Variants in VWA3B observed in about 807,000 individuals in gnomAD.
VWA3B encodes von Willebrand factor A domain-containing protein 3B.
VWA3B carries 138 observed loss-of-function variants against 158.3 expected under a neutral mutation model. The ratio of observed to expected loss-of-function variants is 0.87; its 90% CI spans 0.76 to 1.00. VWA3B has a LOEUF of 1.00. VWA3B is among the 50% of genes least tolerant of loss of function. The pLI, the probability that VWA3B is intolerant of heterozygous loss-of-function variation, is 0.00. For synonymous variants in VWA3B, 596 were observed against 587.3 expected (o/e 1.01, Z -0.21); for missense variants, 1,555 against 1,565.1 (o/e 0.99, Z 0.11).
chr2:98,270,609 T>C, intron 21 of VWA3B, 73 bp from the exon 22 acceptor site: 1 of 1,461,908 alleles, frequency 6.8e-7, no homozygotes, highest in Admixed American at 2.0e-5. Context: ...TCTTACCATA[T>C]TTTTTTATTA....
At position 98,093,241 on chromosome 2, in the gene VWA3B, T is replaced by C. The variant is rs374879840; in HGVS notation, c.149T>C (p.Leu50Ser). The C allele has an allele frequency of 1.2e-5, 20 of 1,614,110 alleles. No homozygotes were observed. In the East Asian group the frequency reaches 1.3e-4, roughly 11 times the overall value. ...LQLHGLKSNK[L>S]TLKQILSQIG... ...CTGCATGGGCTTAAGAGCAACAAAT[T>C]GACCTTGAAACAGATTTTGTCACAG... The change falls in exon 2 of 28, where the codon TTG becomes TCG. Residue 50 changes from leucine (L) to serine (S), a missense_variant. Leu to Ser is a moderately radical substitution (Grantham distance 145). Transcript: ENST00000477737.
chr2:98,280,223 G>C (rs1688790989), intron 22 of VWA3B, among the ~76,000 whole-genome samples: 2 of 152,072 alleles, frequency 1.3e-5, no homozygotes, highest in Non-Finnish European at 1.5e-5. Flanking sequence ...GAGCAATAAG[G>C]GAATATTTCC....
chr2:98,290,602 A>G lies in VWA3B; in HGVS notation c.3137A>G (p.Glu1046Gly). The stretch of plus-strand genomic sequence containing the variant: ...CAGAAGGTTATTGCAAGATGTGATG[A>G]AAATGGCTTTTATTTTCCAGGTAGT... The part of the protein sequence containing the change: ...KGQKVIARCD[E>G]NGFYFPGVVK... The change falls in exon 23 of 28, where the codon GAA becomes GGA. Residue 1046 changes from glutamate (E) to glycine (G), a missense_variant. Physicochemically the swap from Glu to Gly is moderately conservative, Grantham distance 98. Coordinates refer to ENST00000477737, the MANE Select transcript of VWA3B (RefSeq NM_144992.5). 7 of 1,597,292 alleles carry G rather than the reference A, an allele frequency of 4.4e-6. No individual in the cohort carries two copies. The highest frequency in any genetic ancestry group is 6.0e-6 in the Non-Finnish European group (7 of 1,174,824).
chr2:98,104,036 T>C (rs1559534688), intron 2 of VWA3B, among the ~76,000 whole-genome samples: 1 of 152,208 alleles, frequency 6.6e-6, no homozygotes, highest in African/African-American at 2.4e-5. Context: ...AGCTTTCTTA[T>C]TAAGTTTTAC....
chr2:98,320,184 G>C, the VWA3B span, among the ~76,000 whole-genome samples: 2 of 151,980 alleles, frequency 1.3e-5, no homozygotes, highest in African/African-American at 2.4e-5. Context: ...TTCATGAAGG[G>C]GCAGTCCCCT....
At chr2:98,238,166 G>A (rs1033730351) in intron 19 of VWA3B, among the ~76,000 whole-genome samples, 6 of 152,164 alleles carry the variant, frequency 3.9e-5, no homozygotes, top group Non-Finnish European at 7.3e-5. Context: ...ACCCATGGAG[G>A]CTCACCTGCC....
rs1469216284 is a variant in VWA3B, at chr2:98,222,647, G to A, written c.2019+4619G>A. On this transcript the variant is annotated intron_variant, in intron 14 of 27. Transcript: ENST00000477737. ...GAACACCTGGAGGACAGCAGGGGAG[G>A]TACCAAGAGACACCTGGAAGCCTGA... Among the ~76,000 whole-genome samples the A allele has an allele frequency of 3.9e-5, 6 of 152,260 alleles. No homozygotes were observed. The East Asian group carries it at 9.7e-4, about 24-fold the overall frequency.
At chr2:98,123,137 A>C (rs1675096403) in intron 5 of VWA3B, among the ~76,000 whole-genome samples, 1 of 152,146 alleles carries the variant, frequency 6.6e-6, no homozygotes, top group Admixed American at 6.6e-5. Context: ...TCTGCTCCAC[A>C]CCTGTCATGC....
rs571993374 is a variant in VWA3B at position 98,307,975 on chromosome 2, G to A, written c.3522-3844G>A. Among the ~76,000 whole-genome samples, 14 of 152,196 alleles carry A rather than the reference G, an allele frequency of 9.2e-5. No individual in the cohort carries two copies. In the South Asian group the frequency reaches 2.1e-3, roughly 23 times the overall value. ...TCTCTTCTGGCTTCTGAGTGAGAACGGTGCACAGTGAAAGGCAGGAAGAAA... is the reference window on the plus strand; with the variant it reads ...TCTCTTCTGGCTTCTGAGTGAGAACAGTGCACAGTGAAAGGCAGGAAGAAA... On this transcript the variant is annotated intron_variant, in intron 26 of 27. Transcript: ENST00000477737.
intron 25 of VWA3B, among the ~76,000 whole-genome samples, chr2:98,302,802 T>TGGCACTGTG (rs1215886686): frequency 4.6e-5 from 7 of 152,134 alleles, no homozygotes; most frequent in African/African-American, 1.7e-4. Context: ...AGTGCCTCCT[T>TGGCACTGTG]GACTGTGGCA....
At chr2:98,220,996 A>T (rs778804334) in intron 14 of VWA3B, among the ~76,000 whole-genome samples, 4 of 152,144 alleles carry the variant, frequency 2.6e-5, no homozygotes, top group Non-Finnish European at 5.9e-5. Context: ...GAGGGAGAGC[A>T]TCAGGACAAA....
chr2:98,234,584 T>A, intron 16 of VWA3B, 64 bp from the exon 17 acceptor site: 1 of 1,605,142 alleles, frequency 6.2e-7, no homozygotes, highest in Non-Finnish European at 8.5e-7. Flanking sequence ...AAAATAGTTA[T>A]ATCTAATGAA....
chr2:98,135,783 A>G (rs1676239256), intron 7 of VWA3B, among the ~76,000 whole-genome samples: 1 of 152,190 alleles, frequency 6.6e-6, no homozygotes, highest in Admixed American at 6.5e-5. Context: ...AGAAATGCCA[A>G]CATTTCAAAG....
chr2:98,206,841 G>A (rs62154939), intron 12 of VWA3B: 19,627 of 382,584 alleles, frequency 0.051, 707 homozygotes, highest in Non-Finnish European at 0.073. Context: ...CTTAATCTGG[G>A]TTTGCTGGTG....
intron 9 of VWA3B, among the ~76,000 whole-genome samples, chr2:98,183,277 C>G (rs1324386023): frequency 6.8e-6 from 1 of 147,274 alleles, no homozygotes; most frequent in Non-Finnish European, 1.5e-5. Context: ...AAACTGGATT[C>G]ACACCTAAAA....
At chr2:98,264,265 A>C (rs1687657817) in intron 21 of VWA3B, among the ~76,000 whole-genome samples, 1 of 151,820 alleles carries the variant, frequency 6.6e-6, no homozygotes, top group African/African-American at 2.4e-5. Context: ...CCCTCTGCTA[A>C]CTTGGGCTTT....
intron 2 of VWA3B, among the ~76,000 whole-genome samples, chr2:98,112,954 CT>C (rs1002829144): frequency 1.3e-5 from 2 of 151,808 alleles, no homozygotes; most frequent in African/African-American, 4.8e-5. Flanking sequence ...AGATATTGTA[CT>C]TTTTGTTCTA....
intron 12 of VWA3B, among the ~76,000 whole-genome samples, chr2:98,200,369 C>T (rs1330864501): frequency 1.3e-5 from 2 of 152,030 alleles, no homozygotes; most frequent in African/African-American, 2.4e-5. Context: ...GGTGAAACCC[C>T]GTCTCTACTA....
intron 1 of VWA3B, among the ~76,000 whole-genome samples, chr2:98,090,249 A>G (rs1682183083): frequency 1.3e-5 from 2 of 152,210 alleles, no homozygotes; most frequent in Non-Finnish European, 1.5e-5. Flanking sequence ...GTTGAGGCAT[A>G]TTAGTCTGCC....
Sources: gnomAD v4.1 joint callset for allele counts (sites outside exome capture counted in the v4.1 genomes callset) on GRCh38, gnomAD v4.1.1 for gene constraint, MANE v1.5 for transcripts, NCBI Gene and HGNC (gene_info 2026-07-23, HGNC 2026-07-21) for gene names.